GPC5: variants seen among roughly 807,000 people sequenced by gnomAD.
GPC5 encodes glypican 5.
A neutral mutation model predicts 53.9 loss-of-function variants in GPC5; 47 were observed. That is an observed-to-expected ratio of 0.87 (90% CI 0.69 to 1.11). The LOEUF is 1.11. Ranked by LOEUF, GPC5 falls within the 50% of genes most tolerant of loss-of-function variation. The pLI is 0.00. For synonymous variants in GPC5, 286 were observed against 263.3 expected (o/e 1.09, Z -0.84); for missense variants, 748 against 713.1 (o/e 1.05, Z -0.56).
At chr13:91,809,931 G>T (rs1007345030) in intron 5 of GPC5, among the ~76,000 whole-genome samples, 4 of 151,986 alleles carry the variant, frequency 2.6e-5, no homozygotes, top group Non-Finnish European at 5.9e-5. Flanking sequence ...AGCCTTTAGG[G>T]AAGGTTATGG....
At chr13:92,184,551 A>G (rs1043937215) in intron 7 of GPC5, among the ~76,000 whole-genome samples, 3 of 152,290 alleles carry the variant, frequency 2.0e-5, no homozygotes, top group Middle Eastern at 3.4e-3. Flanking sequence ...CAACCTTCCA[A>G]TCATCTCTTC....
chr13:92,498,473 A>T (rs951645465), intron 7 of GPC5, among the ~76,000 whole-genome samples: 1 of 152,106 alleles, frequency 6.6e-6, no homozygotes, highest in African/African-American at 2.4e-5. Flanking sequence ...AACTCCTGAG[A>T]TCTTATCAGG....
chr13:92,068,261 T>G (rs561518664), intron 6 of GPC5, among the ~76,000 whole-genome samples: 4 of 151,980 alleles, frequency 2.6e-5, no homozygotes, highest in African/African-American at 9.6e-5. Flanking sequence ...TCCAGTTAAT[T>G]TTATGAAATT....
chr13:92,296,858 T>C (rs1470229924), intron 7 of GPC5, among the ~76,000 whole-genome samples: 3 of 152,216 alleles, frequency 2.0e-5, no homozygotes, highest in Non-Finnish European at 4.4e-5. Flanking sequence ...GCCGGCCCAC[T>C]GGCGCTGTGC....
At chr13:91,415,548 T>A (rs928869980) in intron 1 of GPC5, among the ~76,000 whole-genome samples, 3 of 152,120 alleles carry the variant, frequency 2.0e-5, no homozygotes, top group Admixed American at 2.0e-4. Flanking sequence ...TTTTTATACG[T>A]CTTGCCTATT....
At chr13:91,952,195 G>A (rs1480529159) in intron 6 of GPC5, among the ~76,000 whole-genome samples, 1 of 120,530 alleles carries the variant, frequency 8.3e-6, no homozygotes, top group African/African-American at 2.5e-5. Flanking sequence ...CTCTCTGTGT[G>A]TGTGTGTGTG....
At chr13:91,976,683 GGAAGGCAT>G (rs1211537210) in intron 6 of GPC5, among the ~76,000 whole-genome samples, 1 of 152,126 alleles carries the variant, frequency 6.6e-6, no homozygotes, top group Admixed American at 6.5e-5. Flanking sequence ...GATACTATTT[GGAAGGCAT>G]GATGGTTTTC....
intron 7 of GPC5, among the ~76,000 whole-genome samples, chr13:92,587,815 A>G (rs1883585645): frequency 6.6e-6 from 1 of 151,736 alleles, no homozygotes; most frequent in Non-Finnish European, 1.5e-5. Context: ...CACCCTCCAG[A>G]GTGGTGTTAC....
chr13:91,714,354 T>C (rs1387811962), intron 3 of GPC5, among the ~76,000 whole-genome samples: 1 of 152,176 alleles, frequency 6.6e-6, no homozygotes, highest in Non-Finnish European at 1.5e-5. Flanking sequence ...GATTGTTGAA[T>C]ACATTAGGAT....
chr13:92,584,168 G>A (rs1021483443), intron 7 of GPC5, among the ~76,000 whole-genome samples: 31 of 152,286 alleles, frequency 2.0e-4, no homozygotes, highest in African/African-American at 7.0e-4. Flanking sequence ...CTGGATAACA[G>A]GCAGGGGTTG....
intron 6 of GPC5, among the ~76,000 whole-genome samples, chr13:92,140,030 T>C (rs1175611692): frequency 6.6e-6 from 1 of 152,154 alleles, no homozygotes; most frequent in Non-Finnish European, 1.5e-5. Flanking sequence ...AGAAAGTGGA[T>C]TAAGTGCAAG....
chr13:91,656,621 A>G (rs1329172275), intron 2 of GPC5, among the ~76,000 whole-genome samples: 1 of 152,212 alleles, frequency 6.6e-6, no homozygotes, highest in Non-Finnish European at 1.5e-5. Context: ...ATGAAATCAC[A>G]TCAGTTGTTT....
intron 6 of GPC5, among the ~76,000 whole-genome samples, chr13:91,957,582 A>T (rs1010636639): frequency 1.3e-5 from 2 of 152,160 alleles, no homozygotes; most frequent in South Asian, 4.1e-4. Flanking sequence ...TTAGTCACTT[A>T]TAAAGGAACA....
chr13:92,582,666 A>G (rs1594321623), intron 7 of GPC5, among the ~76,000 whole-genome samples: 1 of 152,104 alleles, frequency 6.6e-6, no homozygotes, highest in East Asian at 1.9e-4. Context: ...TATCTTCTAC[A>G]ACTTCTTTCA....
chr13:92,524,935 C>T (rs1881215556), intron 7 of GPC5, among the ~76,000 whole-genome samples: 1 of 152,068 alleles, frequency 6.6e-6, no homozygotes, highest in Non-Finnish European at 1.5e-5. Flanking sequence ...TAAAGCCCTT[C>T]TTTATTTCAG....
At chr13:92,636,252 CCAAA>C (rs1425680856) in intron 7 of GPC5, among the ~76,000 whole-genome samples, 1 of 152,026 alleles carries the variant, frequency 6.6e-6, no homozygotes, top group Non-Finnish European at 1.5e-5. Context: ...CATTTTTTGA[CCAAA>C]CATTTATTGC....
intron 1 of GPC5, among the ~76,000 whole-genome samples, chr13:91,410,493 C>G (rs1053818812): frequency 2.0e-5 from 3 of 147,886 alleles, no homozygotes; most frequent in African/African-American, 4.9e-5. Context: ...CCACAGGCAC[C>G]CGCCACCACA....
chr13:92,151,698 C>T (rs2041908720), intron 7 of GPC5, among the ~76,000 whole-genome samples: 1 of 152,144 alleles, frequency 6.6e-6, no homozygotes, highest in Non-Finnish European at 1.5e-5. Flanking sequence ...TGAAATAGTA[C>T]CTCTGGTATC....
intron 1 of GPC5, among the ~76,000 whole-genome samples, chr13:91,443,939 C>T (rs1880614665): frequency 6.6e-6 from 1 of 152,058 alleles, no homozygotes; most frequent in Non-Finnish European, 1.5e-5. Context: ...TAGAACATTC[C>T]AAAATTGCTT....
Sources: gnomAD v4.1 joint callset for allele counts (sites outside exome capture counted in the v4.1 genomes callset) on GRCh38, gnomAD v4.1.1 for gene constraint, MANE v1.5 for transcripts, NCBI Gene and HGNC (gene_info 2026-07-23, HGNC 2026-07-21) for gene names.